SUCLG2: variants seen among roughly 807,000 people sequenced by gnomAD.
SUCLG2 encodes the protein succinate-CoA ligase GDP-forming subunit beta.
In SUCLG2, 42 loss-of-function variants were observed where a neutral mutation model predicts 47.9. That is an observed-to-expected ratio of 0.88 (90% CI 0.69 to 1.14). The LOEUF is 1.14. SUCLG2 is among the 50% of genes most tolerant of loss of function. SUCLG2 has a pLI of 0.00. For missense variants in SUCLG2, 571 were observed against 525.9 expected (o/e 1.09, Z -0.84); for synonymous variants, 195 against 197.3 (o/e 0.99, Z 0.10).
At chr3:67,508,779 TG>T (rs773255347) in intron 7 of SUCLG2, 27 bp downstream of exon 7, 1 of 1,507,844 alleles carries the variant, frequency 6.6e-7, no homozygotes, top group Non-Finnish European at 9.1e-7. Context: ...TACATTCATT[TG>T]TTTTCTCAAT....
At chr3:67,412,298 T>G (rs1303573233) in intron 9 of SUCLG2, among the ~76,000 whole-genome samples, 1 of 152,230 alleles carries the variant, frequency 6.6e-6, no homozygotes, top group Non-Finnish European at 1.5e-5. Context: ...CCTTCTCTCA[T>G]CCATGGTTAA....
rs1205841374 is a variant in SUCLG2 at position 67,408,934 on chromosome 3, G to A, written c.1063-8083C>T. ...AATCAGAGACTCCCAAGATGAGTCA[G>A]GAGTTCCAGCTCCATATTGGTCCTA... is the stretch of plus-strand genomic sequence containing the variant. On this transcript the variant is annotated intron_variant, in intron 9 of 10. Coordinates refer to ENST00000307227, the MANE Select transcript of SUCLG2 (RefSeq NM_003848.4). The A allele has an allele frequency of 1.8e-5, 27 of 1,531,348 alleles. No homozygotes were observed. In the South Asian group the frequency reaches 3.1e-4, roughly 18 times the overall value. The allele number at this position is 1,531,348 out of a possible 1,614,324, so 94.9% of individuals were successfully genotyped here.
intron 9 of SUCLG2, among the ~76,000 whole-genome samples, chr3:67,410,262 A>G (rs75976775): frequency 0.053 from 8,084 of 152,282 alleles, 270 homozygotes; most frequent in East Asian, 0.11. Context: ...GAAGGCTTTC[A>G]CAAGCAAGAA....
intron 1 of SUCLG2, among the ~76,000 whole-genome samples, chr3:67,632,954 A>C (rs1700951272): frequency 6.6e-6 from 1 of 152,218 alleles, no homozygotes; most frequent in Non-Finnish European, 1.5e-5. Flanking sequence ...CTACACTGTC[A>C]AGCAAAGAAC....
At chr3:67,552,405 A>T (rs946368079) in intron 2 of SUCLG2, among the ~76,000 whole-genome samples, 1 of 152,216 alleles carries the variant, frequency 6.6e-6, no homozygotes, top group Admixed American at 6.5e-5. Context: ...TGGTGTATTC[A>T]TGTAGTACTT....
intron 6 of SUCLG2, among the ~76,000 whole-genome samples, chr3:67,512,367 T>C (rs997062657): frequency 6.6e-6 from 1 of 151,112 alleles, no homozygotes; most frequent in African/African-American, 2.5e-5. Context: ...TTTTTTGTAT[T>C]TTAGGGGGTT....
chr3:67,578,267 T>C (rs960497273), intron 2 of SUCLG2, among the ~76,000 whole-genome samples: 5 of 139,104 alleles, frequency 3.6e-5, no homozygotes, highest in Non-Finnish European at 1.5e-5. Flanking sequence ...AAAAATTTTA[T>C]ATATATAAAA....
At chr3:67,486,328 G>A (rs1705051624) in intron 9 of SUCLG2, among the ~76,000 whole-genome samples, 1 of 152,010 alleles carries the variant, frequency 6.6e-6, no homozygotes, top group Non-Finnish European at 1.5e-5. Flanking sequence ...AAGAAAAGGT[G>A]TCTCTATCAT....
At chr3:67,471,025 C>T (rs1460821946) in intron 9 of SUCLG2, among the ~76,000 whole-genome samples, 2 of 152,214 alleles carry the variant, frequency 1.3e-5, no homozygotes, top group South Asian at 2.1e-4. Context: ...GAGCAAGAAC[C>T]CACAGGAGCA....
intron 6 of SUCLG2, chr3:67,514,343 G>C (rs923342337): frequency 4.3e-5 from 15 of 345,256 alleles, no homozygotes; most frequent in Admixed American, 4.2e-4. Flanking sequence ...TGATGACTAT[G>C]TGTATTCTTG....
intron 9 of SUCLG2, among the ~76,000 whole-genome samples, chr3:67,433,439 A>C (rs1224018765): frequency 6.6e-6 from 1 of 152,106 alleles, no homozygotes; most frequent in Non-Finnish European, 1.5e-5. Flanking sequence ...CGTGATGCCC[A>C]CTGAGGATAA....
intron 4 of SUCLG2, among the ~76,000 whole-genome samples, chr3:67,520,899 T>C (rs965727393): frequency 1.3e-5 from 2 of 152,220 alleles, no homozygotes; most frequent in Non-Finnish European, 2.9e-5. Context: ...TCTTCTTTTT[T>C]GTCCTTCCTC....
intron 6 of SUCLG2, chr3:67,513,955 T>A (rs1350566375): frequency 5.0e-6 from 1 of 200,862 alleles, no homozygotes; most frequent in African/African-American, 2.3e-5. Flanking sequence ...ATTCCCAAAG[T>A]ATACTCCATC....
intron 9 of SUCLG2, among the ~76,000 whole-genome samples, chr3:67,435,256 A>C (rs1327866471): frequency 6.6e-6 from 1 of 152,186 alleles, no homozygotes; most frequent in African/African-American, 2.4e-5. Context: ...AGGATCCTTT[A>C]ACAATTATTT....
chr3:67,619,614 T>C (rs1204782288), intron 1 of SUCLG2, among the ~76,000 whole-genome samples: 1 of 152,208 alleles, frequency 6.6e-6, no homozygotes, highest in Admixed American at 6.5e-5. Flanking sequence ...TGGATCGGTT[T>C]CCCTAACTCG....
rs200707058 is a variant in SUCLG2, at chr3:67,520,433, T to C, written c.570+49A>G. On this transcript the variant is annotated intron_variant, in intron 5 of 10. Coordinates refer to ENST00000307227, the MANE Select transcript of SUCLG2 (RefSeq NM_003848.4). Reference sequence around the variant, plus strand: ...ACTCCCCATTAAATATTTAACAGCTTCTACAATAACAATCAATTAATAGCA... The same window carrying C: ...ACTCCCCATTAAATATTTAACAGCTCCTACAATAACAATCAATTAATAGCA... 35 of 1,612,802 alleles carry C rather than the reference T, an allele frequency of 2.2e-5. No individual in the cohort carries two copies. The Admixed American group carries it at 4.0e-4, about 18-fold the overall frequency.
intron 2 of SUCLG2, among the ~76,000 whole-genome samples, chr3:67,604,739 G>C (rs1708491427): frequency 6.6e-6 from 1 of 152,172 alleles, no homozygotes; most frequent in Admixed American, 6.5e-5. Context: ...GTGGTCAACA[G>C]ACAACTAGGA....
chr3:67,450,031 AT>A (rs66741649), intron 9 of SUCLG2, among the ~76,000 whole-genome samples: 114,289 of 151,870 alleles, frequency 0.75, 43,228 homozygotes, highest in East Asian at 0.85. Context: ...AAAAAACAGT[AT>A]TTTTTTTAAA....
downstream of SUCLG2, among the ~76,000 whole-genome samples, chr3:67,370,758 T>C (rs7615641): frequency 0.51 from 77,395 of 152,008 alleles, 19,856 homozygotes; most frequent in Middle Eastern, 0.6. Context: ...AAACATTTCA[T>C]TGTACTGTAC....
Sources: gnomAD v4.1 joint callset for allele counts (sites outside exome capture counted in the v4.1 genomes callset) on GRCh38, gnomAD v4.1.1 for gene constraint, MANE v1.5 for transcripts, NCBI Gene and HGNC (gene_info 2026-07-23, HGNC 2026-07-21) for gene names.